The following IL34 variants were observed in gnomAD, a reference collection of about 807,000 sequenced individuals.
The protein encoded by IL34 is interleukin 34.
Under a neutral mutation model 25.3 loss-of-function variants are expected in IL34, and 17 were observed. The observed-to-expected ratio is 0.67, with a 90% CI of 0.46 to 1.01. The LOEUF (loss-of-function observed/expected upper bound fraction) is 1.01. Among genes scored for constraint, IL34 ranks in the 50% least tolerant of loss-of-function variants. IL34 has a pLI of 0.00. For missense variants in IL34, 368 were observed against 312.9 expected, an observed-to-expected ratio of 1.18 and a Z score of -1.33; for synonymous variants, 174 against 140.9, an observed-to-expected ratio of 1.23 and a Z score of -1.66.
intron 5 of IL34, 38 bp from the exon 6 acceptor site, chr16:70,659,959 C>T (rs558111511): frequency 6.5e-7 from 1 of 1,532,872 alleles, no homozygotes; most frequent in South Asian, 1.3e-5. Flanking sequence ...GTCTTGAACA[C>T]TGCTGCAGTC....
At chr16:70,618,309 G>C (rs1234945160) in intron 1 of IL34, among the ~76,000 whole-genome samples, 1 of 152,016 alleles carries the variant, frequency 6.6e-6, no homozygotes, top group African/African-American at 2.4e-5. Flanking sequence ...GTGGATCTGA[G>C]AGATACAGTC....
At chr16:70,622,112 A>G (rs2051294824) in intron 1 of IL34, among the ~76,000 whole-genome samples, 1 of 151,992 alleles carries the variant, frequency 6.6e-6, no homozygotes, top group African/African-American at 2.4e-5. Context: ...TGATTTGACT[A>G]ATAAAGGCTG....
At chr16:70,620,563 C>T (rs1027562082) in intron 1 of IL34, among the ~76,000 whole-genome samples, 75 of 151,978 alleles carry the variant, frequency 4.9e-4, no homozygotes, top group African/African-American at 1.1e-3. Flanking sequence ...AAAGACTCAG[C>T]GACACTTGGG....
chr16:70,645,018 G>T (rs569732860), upstream of IL34, among the ~76,000 whole-genome samples: 2 of 145,074 alleles, frequency 1.4e-5, no homozygotes, highest in Non-Finnish European at 3.1e-5. Flanking sequence ...GAGGAGGAAG[G>T]AGGAGAAGGA....
chr16:70,642,294 CTTTTT>C (rs531744889), upstream of IL34, among the ~76,000 whole-genome samples: 2 of 116,938 alleles, frequency 1.7e-5, no homozygotes, highest in Non-Finnish European at 1.8e-5. Flanking sequence ...ACTCTGATGT[CTTTTT>C]TTTTTTTTTT....
At chr16:70,643,290 C>T (rs566111600), upstream of IL34, among the ~76,000 whole-genome samples, 174 of 152,344 alleles carry the variant, frequency 1.1e-3, no homozygotes, top group Middle Eastern at 0.01. Context: ...TCTCGAATCC[C>T]TGACCTCAGG....
At chr16:70,624,472 A>G (rs1479541145) in intron 1 of IL34, among the ~76,000 whole-genome samples, 1 of 152,144 alleles carries the variant, frequency 6.6e-6, no homozygotes, top group Non-Finnish European at 1.5e-5. Context: ...TGTCGGGAGC[A>G]CATTGGGTAA....
chr16:70,649,497 C>G (rs567102608), intron 1 of IL34, among the ~76,000 whole-genome samples: 64 of 152,188 alleles, frequency 4.2e-4, no homozygotes, highest in Non-Finnish European at 6.8e-4. Flanking sequence ...CCTGTTTTCA[C>G]TAGTCCTCAG....
intron 1 of IL34, 116 bp downstream of exon 1, chr16:70,647,091 C>T: frequency 2.2e-6 from 2 of 923,626 alleles, no homozygotes; most frequent in Non-Finnish European, 3.0e-6. Flanking sequence ...CGATGCTTCC[C>T]AGCCGGACTG....
chr16:70,586,714 A>G (rs553152138), intron 1 of IL34, among the ~76,000 whole-genome samples: 4 of 152,164 alleles, frequency 2.6e-5, no homozygotes, highest in Non-Finnish European at 1.5e-5. Context: ...CCAGCCTGGC[A>G]TTGCACATCT....
upstream of IL34, among the ~76,000 whole-genome samples, chr16:70,644,319 G>C (rs1397650260): frequency 6.6e-6 from 1 of 152,080 alleles, no homozygotes; most frequent in Admixed American, 6.6e-5. Flanking sequence ...ACCCGCCTCG[G>C]CCTCCCAAAG....
chr16:70,658,982 G>A (rs1168213496), intron 4 of IL34, among the ~76,000 whole-genome samples: 1 of 152,124 alleles, frequency 6.6e-6, no homozygotes, highest in East Asian at 1.9e-4. Flanking sequence ...TTTGGGGGAG[G>A]AGAGGGACAA....
At chr16:70,604,947 C>T (rs1260845558) in intron 1 of IL34, among the ~76,000 whole-genome samples, 5 of 150,820 alleles carry the variant, frequency 3.3e-5, no homozygotes, top group African/African-American at 1.2e-4. Context: ...TGTGTGTGTG[C>T]ATGTCTGTGT....
chr16:70,643,660 C>T (rs913795728), upstream of IL34, among the ~76,000 whole-genome samples: 4 of 152,278 alleles, frequency 2.6e-5, 1 homozygote, highest in South Asian at 6.2e-4. Context: ...CAAGTGTGAG[C>T]CATCACACGC....
At chr16:70,654,451 A>G (rs2052160495) in intron 1 of IL34, 87 bp from the exon 2 acceptor site, 1 of 1,492,262 alleles carries the variant, frequency 6.7e-7, no homozygotes, top group Non-Finnish European at 9.0e-7. Context: ...ATGCAAATGG[A>G]TGATGGTTGT....
At chr16:70,637,589 C>T (rs532285906) in intron 1 of IL34, among the ~76,000 whole-genome samples, 1 of 75,312 alleles carries the variant, frequency 1.3e-5, no homozygotes, top group Admixed American at 1.1e-4. Context: ...GATGATCTGC[C>T]CCCCCTCGAC....
At chr16:70,651,348 T>G (rs2151876810) in intron 1 of IL34, among the ~76,000 whole-genome samples, 1 of 152,280 alleles carries the variant, frequency 6.6e-6, no homozygotes, top group Non-Finnish European at 1.5e-5. Context: ...AAGCAGATGT[T>G]AAAGGGCCAA....
At chr16:70,617,947 G>C (rs906779516) in intron 1 of IL34, among the ~76,000 whole-genome samples, 1 of 152,062 alleles carries the variant, frequency 6.6e-6, no homozygotes, top group African/African-American at 2.4e-5. Flanking sequence ...CCTAGACTAA[G>C]AGGTATTTTA....
chr16:70,599,320 T>C (rs1424250447), intron 1 of IL34, among the ~76,000 whole-genome samples: 43 of 128,894 alleles, frequency 3.3e-4, no homozygotes, highest in Middle Eastern at 3.8e-3. Context: ...TTCTTTCTTT[T>C]CTTTCTTTCT....
Sources: allele counts gnomAD v4.1 joint callset (sites outside exome capture counted in the v4.1 genomes callset), GRCh38; gene constraint gnomAD v4.1.1; transcripts MANE v1.5; gene names NCBI Gene and HGNC (gene_info 2026-07-23, HGNC 2026-07-21).